STPG2: variants seen among roughly 807,000 people sequenced by gnomAD.
STPG2 encodes sperm-tail PG-rich repeat-containing protein 2.
STPG2 carries 56 observed loss-of-function variants against 54.2 expected under a neutral mutation model. The ratio of observed to expected loss-of-function variants is 1.03; its 90% CI spans 0.83 to 1.29. STPG2 has a LOEUF of 1.29. Ranked by LOEUF, STPG2 falls within the 50% of genes most tolerant of loss-of-function variation. The pLI is 0.00. For missense variants in STPG2, 596 were observed against 544.9 expected (o/e 1.09, Z -0.93); for synonymous variants, 200 against 181.8 (o/e 1.10, Z -0.81).
At chr4:97,604,309 C>T (rs1178264317) in intron 10 of STPG2, among the ~76,000 whole-genome samples, 9 of 151,598 alleles carry the variant, frequency 5.9e-5, no homozygotes, top group Admixed American at 4.0e-4. Flanking sequence ...GAACTGGGAA[C>T]GCTTTAATAA....
chr4:97,668,211 G>T (rs1722585079), intron 10 of STPG2, among the ~76,000 whole-genome samples: 1 of 152,074 alleles, frequency 6.6e-6, no homozygotes, highest in African/African-American at 2.4e-5. Context: ...AAGGCAACAG[G>T]CAAAGCCAAA....
chr4:97,663,473 A>G (rs1366534898), intron 10 of STPG2, among the ~76,000 whole-genome samples: 2 of 152,230 alleles, frequency 1.3e-5, no homozygotes, highest in South Asian at 2.1e-4. Context: ...ACAATTTTAA[A>G]TATTGCATTT....
chr4:97,726,021 G>A (rs2149021296), intron 9 of STPG2, among the ~76,000 whole-genome samples: 1 of 151,872 alleles, frequency 6.6e-6, no homozygotes, highest in East Asian at 1.9e-4. Flanking sequence ...AAGATCAAAA[G>A]GAAGATATCT....
At chr4:98,013,580 C>CTTTTTTTTTTTT (rs34198207) in intron 5 of STPG2, among the ~76,000 whole-genome samples, 6 of 74,584 alleles carry the variant, frequency 8.0e-5, no homozygotes, top group African/African-American at 3.1e-4. Flanking sequence ...TGGTCCTGGG[C>CTTTTTTTTTTTT]TTTTTTTTTT....
At chr4:97,868,981 A>G (rs2149151403) in intron 8 of STPG2, among the ~76,000 whole-genome samples, 1 of 152,026 alleles carries the variant, frequency 6.6e-6, no homozygotes, top group Non-Finnish European at 1.5e-5. Context: ...AAGTCTTTTG[A>G]TATAGTTTTC....
At chr4:97,748,757 T>C (rs1033195627) in intron 9 of STPG2, among the ~76,000 whole-genome samples, 8 of 151,592 alleles carry the variant, frequency 5.3e-5, no homozygotes, top group African/African-American at 1.9e-4. Flanking sequence ...TTTCATACAA[T>C]TTGACACAAA....
chr4:98,093,950 G>A (rs1425562863), intron 5 of STPG2, among the ~76,000 whole-genome samples: 2 of 152,170 alleles, frequency 1.3e-5, no homozygotes, highest in Non-Finnish European at 2.9e-5. Flanking sequence ...GTGCTCTGGG[G>A]TCCTAAGTAA....
chr4:97,687,531 G>C (rs1281504635), intron 10 of STPG2, among the ~76,000 whole-genome samples: 1 of 151,874 alleles, frequency 6.6e-6, no homozygotes, highest in Non-Finnish European at 1.5e-5. Flanking sequence ...GTAGAGACAG[G>C]GTTTCACCAC....
intron 9 of STPG2, among the ~76,000 whole-genome samples, chr4:97,823,672 A>G (rs1411669209): frequency 2.0e-5 from 3 of 152,082 alleles, no homozygotes; most frequent in Non-Finnish European, 2.9e-5. Flanking sequence ...TTCTGGTAAT[A>G]TCTTTCTGGC....
intron 8 of STPG2, among the ~76,000 whole-genome samples, chr4:97,924,102 C>T (rs1437257200): frequency 1.3e-5 from 2 of 152,286 alleles, no homozygotes; most frequent in East Asian, 1.9e-4. Flanking sequence ...CTGTAACACT[C>T]ACCGCGAAGG....
intron 3 of STPG2, among the ~76,000 whole-genome samples, chr4:98,119,064 A>G (rs990303496): frequency 6.6e-6 from 1 of 152,166 alleles, no homozygotes; most frequent in African/African-American, 2.4e-5. Flanking sequence ...AGGAATCATC[A>G]ATAGATGTTA....
chr4:98,036,758 C>A (rs971478338), intron 5 of STPG2, among the ~76,000 whole-genome samples: 1 of 151,966 alleles, frequency 6.6e-6, no homozygotes, highest in Non-Finnish European at 1.5e-5. Flanking sequence ...ACCCCCTTGA[C>A]ACAAGTTTAC....
chr4:97,887,472 T>G (rs534675011), intron 8 of STPG2, among the ~76,000 whole-genome samples: 2 of 152,220 alleles, frequency 1.3e-5, no homozygotes, highest in South Asian at 4.2e-4. Flanking sequence ...CTATAGAAGT[T>G]TGAACACAAC....
intron 9 of STPG2, among the ~76,000 whole-genome samples, chr4:97,811,409 C>G (rs1194841742): frequency 1.3e-5 from 2 of 152,048 alleles, no homozygotes; most frequent in African/African-American, 2.4e-5. Flanking sequence ...TTTAGTGAAG[C>G]AAACATTTTT....
At chr4:98,139,741 T>C (rs1740229873) in intron 1 of STPG2, among the ~76,000 whole-genome samples, 3 of 152,198 alleles carry the variant, frequency 2.0e-5, no homozygotes, top group South Asian at 2.1e-4. Context: ...CTTTATCTCA[T>C]AGATCAACAA....
At chr4:98,009,941 C>T (rs1268407325) in intron 5 of STPG2, among the ~76,000 whole-genome samples, 3 of 151,776 alleles carry the variant, frequency 2.0e-5, no homozygotes, top group Non-Finnish European at 4.4e-5. Flanking sequence ...TTTCTGTGGT[C>T]TCAGTTGTTA....
chr4:97,637,751 A>C (rs1405238551), intron 10 of STPG2, among the ~76,000 whole-genome samples: 12 of 152,154 alleles, frequency 7.9e-5, no homozygotes, highest in Non-Finnish European at 1.2e-4. Context: ...CAATTGCTTC[A>C]AAGAGAATAA....
intron 10 of STPG2, among the ~76,000 whole-genome samples, chr4:97,573,996 C>A (rs1317707410): frequency 6.6e-6 from 1 of 151,926 alleles, no homozygotes; most frequent in Admixed American, 6.6e-5. Flanking sequence ...GTTAACAGGA[C>A]CCCTCTAGGA....
chr4:97,583,718 G>A (rs1490268257), intron 10 of STPG2, among the ~76,000 whole-genome samples: 1 of 151,852 alleles, frequency 6.6e-6, no homozygotes, highest in African/African-American at 2.4e-5. Flanking sequence ...AGGTGAGCAG[G>A]TATAGCTATT....
Sources: allele counts gnomAD v4.1 joint callset (sites outside exome capture counted in the v4.1 genomes callset), GRCh38; gene constraint gnomAD v4.1.1; transcripts MANE v1.5; gene names NCBI Gene and HGNC (gene_info 2026-07-23, HGNC 2026-07-21).